Variants in SLC9A9 observed in about 807,000 individuals in gnomAD.
The protein encoded by SLC9A9 is sodium/hydrogen exchanger 9.
Under a neutral mutation model 77.8 loss-of-function variants are expected in SLC9A9, and 62 were observed. The ratio of observed to expected loss-of-function variants is 0.80; its 90% CI spans 0.65 to 0.98. The LOEUF (loss-of-function observed/expected upper bound fraction) is 0.98, where lower values mean the gene tolerates loss of function less well. Ranked by LOEUF, SLC9A9 falls within the 50% of genes least tolerant of loss-of-function variation. The probability of loss-of-function intolerance (pLI) is 0.00; values close to 1 mark genes in which losing one functional copy is unlikely to be tolerated. For synonymous variants in SLC9A9, 320 were observed against 283.5 expected (o/e 1.13, Z -1.29); for missense variants, 775 against 774.9 (o/e 1.00, Z 0.00).
intron 8 of SLC9A9, among the ~76,000 whole-genome samples, chr3:143,558,935 C>G (rs140382361): frequency 6.6e-6 from 1 of 152,074 alleles, no homozygotes; most frequent in African/African-American, 2.4e-5. Context: ...CCATAATCCC[C>G]ATGTGTCATG....
chr3:143,814,695 A>C (rs541292714), intron 2 of SLC9A9, among the ~76,000 whole-genome samples: 1 of 152,172 alleles, frequency 6.6e-6, no homozygotes, highest in Admixed American at 6.5e-5. Flanking sequence ...ACAGAAAGAG[A>C]TGTAAGAAGG....
At chr3:143,497,585 G>A (rs1462918005) in intron 9 of SLC9A9, among the ~76,000 whole-genome samples, 1 of 152,220 alleles carries the variant, frequency 6.6e-6, no homozygotes, top group Admixed American at 6.5e-5. Flanking sequence ...AGCCATTTTG[G>A]GATAACAGAG....
chr3:143,601,669 G>C (rs558844852), intron 6 of SLC9A9, among the ~76,000 whole-genome samples: 1 of 152,174 alleles, frequency 6.6e-6, no homozygotes, highest in East Asian at 1.9e-4. Flanking sequence ...TGCCAACTCA[G>C]CGCTGCAGAT....
At chr3:143,649,676 G>T (rs971429676) in intron 6 of SLC9A9, among the ~76,000 whole-genome samples, 3 of 152,124 alleles carry the variant, frequency 2.0e-5, no homozygotes, top group African/African-American at 7.2e-5. Flanking sequence ...TGAAAAAGTT[G>T]GTTCTTAAGC....
chr3:143,615,424 C>T (rs2038086848), intron 6 of SLC9A9, among the ~76,000 whole-genome samples: 1 of 152,202 alleles, frequency 6.6e-6, no homozygotes, highest in South Asian at 2.1e-4. Flanking sequence ...CCCTCTCCAT[C>T]AGGCAGTAAT....
At chr3:143,543,271 C>T (rs942336950) in intron 9 of SLC9A9, among the ~76,000 whole-genome samples, 5 of 152,178 alleles carry the variant, frequency 3.3e-5, no homozygotes, top group Admixed American at 1.3e-4. Context: ...CCACACGCTT[C>T]CCTTCAGTGC....
intron 12 of SLC9A9, among the ~76,000 whole-genome samples, chr3:143,430,627 G>A (rs2034496745): frequency 6.6e-6 from 1 of 152,196 alleles, no homozygotes; most frequent in Non-Finnish European, 1.5e-5. Flanking sequence ...CTGAGAGGGG[G>A]AGGCCAATGA....
chr3:143,335,632 C>T (rs2031900091), intron 14 of SLC9A9, among the ~76,000 whole-genome samples: 1 of 152,110 alleles, frequency 6.6e-6, no homozygotes, highest in African/African-American at 2.4e-5. Flanking sequence ...AGCAAATGAT[C>T]TTTGATGAGT....
At chr3:143,638,610 A>G (rs561582415) in intron 6 of SLC9A9, among the ~76,000 whole-genome samples, 27 of 152,344 alleles carry the variant, frequency 1.8e-4, no homozygotes, top group South Asian at 4.1e-4. Context: ...AGGAAAATTG[A>G]TAAGAGCTCC....
At chr3:143,373,830 T>A (rs2033113235) in intron 13 of SLC9A9, among the ~76,000 whole-genome samples, 1 of 151,900 alleles carries the variant, frequency 6.6e-6, no homozygotes, top group South Asian at 2.1e-4. Flanking sequence ...AAAAAAATAT[T>A]AAGTAGCCTA....
chr3:143,706,204 A>G (rs540021007), intron 4 of SLC9A9, among the ~76,000 whole-genome samples: 1 of 152,326 alleles, frequency 6.6e-6, no homozygotes, highest in South Asian at 2.1e-4. Context: ...AAATATGAAT[A>G]AATAAAAAAG....
chr3:143,290,459 C>G (rs2029903901), intron 14 of SLC9A9, among the ~76,000 whole-genome samples: 1 of 152,218 alleles, frequency 6.6e-6, no homozygotes, highest in African/African-American at 2.4e-5. Context: ...GTCACACATT[C>G]CCAGATTTGA....
intron 5 of SLC9A9, among the ~76,000 whole-genome samples, 176 bp downstream of exon 5, chr3:143,693,016 C>T (rs1933521153): frequency 6.6e-6 from 1 of 152,102 alleles, no homozygotes; most frequent in Admixed American, 6.6e-5. Flanking sequence ...ATTTCTTTAG[C>T]ACTATCAAAA....
chr3:143,740,454 A>AAGCAT (rs1935047875), intron 4 of SLC9A9, among the ~76,000 whole-genome samples: 1 of 152,156 alleles, frequency 6.6e-6, no homozygotes, highest in South Asian at 2.1e-4. Context: ...TTTTAAAATT[A>AAGCAT]AGCATAGTGA....
chr3:143,270,742 A>G (rs1205802568), intron 14 of SLC9A9, among the ~76,000 whole-genome samples: 1 of 152,224 alleles, frequency 6.6e-6, no homozygotes, highest in Non-Finnish European at 1.5e-5. Context: ...TTCTGCTGAG[A>G]GGCTCAGCAT....
At chr3:143,734,213 A>G (rs1007649879) in intron 4 of SLC9A9, among the ~76,000 whole-genome samples, 2 of 150,364 alleles carry the variant, frequency 1.3e-5, no homozygotes, top group African/African-American at 4.9e-5. Context: ...AATAATAATA[A>G]AAGAAAAAAA....
intron 1 of SLC9A9, among the ~76,000 whole-genome samples, chr3:143,840,205 G>A (rs1259464643): frequency 6.6e-6 from 1 of 151,544 alleles, no homozygotes; most frequent in Non-Finnish European, 1.5e-5. Context: ...TGCTGGTCAG[G>A]AAACACACTG....
At chr3:143,274,660 C>G (rs562719903) in intron 14 of SLC9A9, among the ~76,000 whole-genome samples, 2 of 152,148 alleles carry the variant, frequency 1.3e-5, no homozygotes, top group African/African-American at 4.8e-5. Flanking sequence ...CTCATGAGTT[C>G]TTATGGATAT....
chr3:143,511,702 T>C (rs1240518634), intron 9 of SLC9A9, among the ~76,000 whole-genome samples: 1 of 152,198 alleles, frequency 6.6e-6, no homozygotes, highest in Non-Finnish European at 1.5e-5. Context: ...ACGTAGTCTG[T>C]GGCCTAAGCC....
Sources: gnomAD v4.1 joint callset for allele counts (sites outside exome capture counted in the v4.1 genomes callset) on GRCh38, gnomAD v4.1.1 for gene constraint, MANE v1.5 for transcripts, NCBI Gene and HGNC (gene_info 2026-07-23, HGNC 2026-07-21) for gene names.